GBF1: variants seen among roughly 807,000 people sequenced by gnomAD.
GBF1 encodes the protein golgi brefeldin A resistant guanine nucleotide exchange factor 1.
GBF1 carries 114 observed loss-of-function variants against 210.5 expected under a neutral mutation model. The ratio of observed to expected loss-of-function variants is 0.54; its 90% CI spans 0.47 to 0.63. GBF1 has a LOEUF of 0.63. Among genes scored for constraint, GBF1 ranks in the 30% least tolerant of loss-of-function variants. The pLI is 0.00. For synonymous variants in GBF1, 850 were observed against 889.2 expected (o/e 0.96, Z 0.78); for missense variants, 1,851 against 2,357.7 (o/e 0.79, Z 4.45).
intron 3 of GBF1, among the ~76,000 whole-genome samples, chr10:102,280,320 A>AGT (rs1029634563): frequency 2.6e-5 from 4 of 152,154 alleles, no homozygotes; most frequent in African/African-American, 9.7e-5. Context: ...TACCCAGTCC[A>AGT]GTGTGTGGGT....
At position 102,381,226 on chromosome 10, in the gene GBF1, C is replaced by G. The variant is rs771513740; in HGVS notation, c.5273C>G (p.Pro1758Arg). The G allele has an allele frequency of 1.2e-6, 2 of 1,613,954 alleles. No individual in the cohort carries two copies. Among genetic ancestry groups the G allele is most frequent in the Non-Finnish European group, 1.7e-6 (2 of 1,179,982 alleles). ...AGGACACCTGGCCATCCACCGCCCCCAGAGATTCCATCTGAGCTGGGGGCC... is the reference window on the plus strand; with the variant it reads ...AGGACACCTGGCCATCCACCGCCCCGAGAGATTCCATCTGAGCTGGGGGCC... ...DTRTPGHPPP[P>R]EIPSELGACD... Residue 1758 changes from proline (P) to arginine (R), a missense_variant, in exon 39 of 40, where the codon CCA (proline) becomes CGA (arginine). This residue lies in a region of GBF1 where 967 missense variants were observed against 1,247.7 expected (regional missense o/e 0.78). Transcript: ENST00000369983.
chr10:102,293,771 G>GTTTTTTTT (rs56722082), intron 3 of GBF1, among the ~76,000 whole-genome samples: 9 of 22,900 alleles, frequency 3.9e-4, no homozygotes, highest in African/African-American at 1.5e-3. Flanking sequence ...TATGTTTTGT[G>GTTTTTTTT]TTTTTTTTTT....
intron 3 of GBF1, among the ~76,000 whole-genome samples, chr10:102,329,166 T>G (rs895501272): frequency 6.6e-6 from 1 of 152,146 alleles, no homozygotes; most frequent in Admixed American, 6.6e-5. Context: ...AGAAGAGAAC[T>G]AGTATTTAAG....
chr10:102,237,773 CT>C, the GBF1 span, among the ~76,000 whole-genome samples: 3 of 151,930 alleles, frequency 2.0e-5, no homozygotes, highest in African/African-American at 2.4e-5. Flanking sequence ...AAAAATAAAG[CT>C]TTTTTTAATA....
At chr10:102,293,183 AC>A (rs2076582817) in intron 3 of GBF1, among the ~76,000 whole-genome samples, 1 of 152,146 alleles carries the variant, frequency 6.6e-6, no homozygotes, top group Admixed American at 6.6e-5. Flanking sequence ...TTAACAATGG[AC>A]CCCATACATG....
chr10:102,244,185 C>T (rs2070640630), upstream of GBF1, among the ~76,000 whole-genome samples: 4 of 152,160 alleles, frequency 2.6e-5, no homozygotes, highest in South Asian at 8.3e-4. Flanking sequence ...AATAGCGCAT[C>T]GTAGCACACG....
chr10:102,239,978 C>T, the GBF1 span, among the ~76,000 whole-genome samples: 10 of 152,378 alleles, frequency 6.6e-5, no homozygotes, highest in South Asian at 2.1e-3. Flanking sequence ...CTCCTTCCCA[C>T]CTCCGCTCAG....
chr10:102,372,210 CAA>C (rs879741884), intron 29 of GBF1, among the ~76,000 whole-genome samples: 8 of 117,594 alleles, frequency 6.8e-5, no homozygotes, highest in African/African-American at 1.3e-4. Flanking sequence ...GACTCCATCT[CAA>C]AAAAAAAAAA....
At position 102,363,898 on chromosome 10, in the gene GBF1, T is replaced by C; in HGVS notation, c.2106+100T>C. The C allele has an allele frequency of 1.4e-6, 1 of 727,092 alleles. No individual in the cohort carries two copies. Among genetic ancestry groups the C allele is most frequent in the East Asian group, 2.6e-5 (1 of 38,894 alleles). 45.0% of individuals were successfully genotyped at this position (727,092 alleles called of 1,614,324 possible). On this transcript the variant is annotated intron_variant, in intron 17 of 39. Coordinates refer to ENST00000369983, the MANE Select transcript of GBF1 (RefSeq NM_001377137.1). The surrounding 1 kb of genome is among the most constrained non-coding windows in gnomAD (Gnocchi z 4.2). ...GATGAAGGAGAGTCTAGCACCTCAT[T>C]GTACAGCTTCCTGAGGCCAGTCTTT...
chr10:102,269,907 C>G (rs1297705747), intron 3 of GBF1, among the ~76,000 whole-genome samples: 2 of 147,962 alleles, frequency 1.4e-5, no homozygotes, highest in East Asian at 3.9e-4. Context: ...GAGACGGAAT[C>G]TTGCTCTGTC....
intron 3 of GBF1, among the ~76,000 whole-genome samples, chr10:102,314,606 T>C (rs1403600279): frequency 6.6e-6 from 1 of 152,198 alleles, no homozygotes; most frequent in East Asian, 1.9e-4. Flanking sequence ...CTCACTGTTC[T>C]ATTACTTCTC....
Position 102,308,439 on chromosome 10 carries a change from G to A in GBF1, c.164-35612G>A, listed in dbSNP as rs532018975. 1.2e-4 allele frequency among the ~76,000 whole-genome samples: 19 copies of A among 152,062 alleles called. No individual in the cohort carries two copies. The South Asian group carries it at 2.9e-3, about 23-fold the overall frequency. Reference sequence around the variant, plus strand: ...ACACACGCACACGTATGTTTATTGCGGCACTATTCCCAATAGCAAAGACTT... The same window carrying A: ...ACACACGCACACGTATGTTTATTGCAGCACTATTCCCAATAGCAAAGACTT... On this transcript the variant is annotated intron_variant, in intron 3 of 39. Coordinates refer to ENST00000369983, the MANE Select transcript of GBF1 (RefSeq NM_001377137.1).
At chr10:102,306,500 T>C (rs2077887643) in intron 3 of GBF1, among the ~76,000 whole-genome samples, 1 of 152,246 alleles carries the variant, frequency 6.6e-6, no homozygotes, top group Non-Finnish European at 1.5e-5. Context: ...CTTGGATCAC[T>C]GCACCCTCTG....
intron 6 of GBF1, among the ~76,000 whole-genome samples, 159 bp from the exon 7 acceptor site, chr10:102,352,299 C>A (rs2059038461): frequency 6.6e-6 from 1 of 152,084 alleles, no homozygotes; most frequent in Admixed American, 6.6e-5. Context: ...ACCTAGTGGG[C>A]CAGTGAAGTT....
At chr10:102,320,132 C>T (rs2056264224) in intron 3 of GBF1, among the ~76,000 whole-genome samples, 1 of 152,106 alleles carries the variant, frequency 6.6e-6, no homozygotes, top group Non-Finnish European at 1.5e-5. Context: ...TTTTTTTAGA[C>T]ATTGCTTATC....
intron 21 of GBF1, among the ~76,000 whole-genome samples, 200 bp from the exon 22 acceptor site, chr10:102,368,014 CACTT>C (rs2060002397): frequency 6.6e-6 from 1 of 152,216 alleles, no homozygotes; most frequent in Non-Finnish European, 1.5e-5. Context: ...CTAAAGGCCT[CACTT>C]ACAGATAGGG....
At chr10:102,245,293 C>T (rs1008085856), upstream of GBF1, among the ~76,000 whole-genome samples, 3 of 152,204 alleles carry the variant, frequency 2.0e-5, no homozygotes, top group African/African-American at 7.2e-5. Flanking sequence ...AGCCCAGTTC[C>T]TCATTTTTTA....
At chr10:102,273,671 G>T (rs2074651463) in intron 3 of GBF1, among the ~76,000 whole-genome samples, 1 of 152,180 alleles carries the variant, frequency 6.6e-6, no homozygotes, top group South Asian at 2.1e-4. Flanking sequence ...TAGCCCCCTT[G>T]ACTTTTGGGA....
At chr10:102,306,890 T>A (rs2077932603) in intron 3 of GBF1, among the ~76,000 whole-genome samples, 1 of 152,254 alleles carries the variant, frequency 6.6e-6, no homozygotes, top group African/African-American at 2.4e-5. Flanking sequence ...CTGATCCATG[T>A]GTCCACAATG....
Sources: gnomAD v4.1 joint callset for allele counts (sites outside exome capture counted in the v4.1 genomes callset) on GRCh38, gnomAD v4.1.1 for gene constraint, gnomAD v4.1.1 regional missense constraint, Gnocchi (gnomAD v3.1) non-coding constraint, MANE v1.5 for transcripts, NCBI Gene and HGNC (gene_info 2026-07-23, HGNC 2026-07-21) for gene names.